FHIT: variants seen among roughly 807,000 people sequenced by gnomAD.
FHIT encodes the protein bis(5'-adenosyl)-triphosphatase.
FHIT carries 19 observed loss-of-function variants against 17.9 expected under a neutral mutation model. The ratio of observed to expected loss-of-function variants is 1.06; its 90% CI spans 0.74 to 1.56. The LOEUF (loss-of-function observed/expected upper bound fraction) is 1.56. FHIT is among the 40% of genes most tolerant of loss of function. The probability of loss-of-function intolerance (pLI) is 0.00; values close to 1 mark genes in which losing one functional copy is unlikely to be tolerated. For missense variants in FHIT, 248 were observed against 189.2 expected (o/e 1.31, Z -1.82); for synonymous variants, 81 against 69.7 (o/e 1.16, Z -0.81).
intron 5 of FHIT, among the ~76,000 whole-genome samples, chr3:60,097,136 C>T (rs1703985762): frequency 6.6e-6 from 1 of 151,864 alleles, no homozygotes; most frequent in Non-Finnish European, 1.5e-5. Flanking sequence ...AGTAAGGACA[C>T]CCATTGGCCA....
chr3:60,940,617 C>T (rs961046252), intron 3 of FHIT, among the ~76,000 whole-genome samples: 3 of 152,058 alleles, frequency 2.0e-5, no homozygotes, highest in African/African-American at 7.2e-5. Flanking sequence ...ACATCTTTAT[C>T]AATCACTTTT....
chr3:60,188,207 C>CTTT (rs1210975877), intron 5 of FHIT, among the ~76,000 whole-genome samples: 7,516 of 125,506 alleles, frequency 0.06, 317 homozygotes, highest in Non-Finnish European at 0.088. Context: ...CAGTTTCTTT[C>CTTT]TTTTTTTTTT....
intron 3 of FHIT, among the ~76,000 whole-genome samples, chr3:60,915,135 G>A (rs1337465904): frequency 6.6e-6 from 1 of 152,100 alleles, no homozygotes; most frequent in Non-Finnish European, 1.5e-5. Context: ...AACTTTTTTA[G>A]GAGTGTATTT....
chr3:61,103,228 T>A (rs969903764), intron 2 of FHIT, among the ~76,000 whole-genome samples: 6 of 152,242 alleles, frequency 3.9e-5, no homozygotes, highest in Admixed American at 3.3e-4. Flanking sequence ...GCTTTAAATG[T>A]GTCCCAGAGA....
intron 3 of FHIT, among the ~76,000 whole-genome samples, chr3:60,863,211 G>A (rs1335178323): frequency 6.6e-6 from 1 of 152,164 alleles, no homozygotes; most frequent in Non-Finnish European, 1.5e-5. Flanking sequence ...GCTAAGGGTG[G>A]AGCCCTGCCT....
chr3:59,946,106 T>A (rs376643417), intron 7 of FHIT, among the ~76,000 whole-genome samples: 3 of 152,344 alleles, frequency 2.0e-5, no homozygotes, highest in East Asian at 3.9e-4. Context: ...AATCTATAAA[T>A]TGCTTTGGGC....
At chr3:60,210,410 T>TTA (rs1211723500) in intron 5 of FHIT, among the ~76,000 whole-genome samples, 5 of 152,242 alleles carry the variant, frequency 3.3e-5, no homozygotes, top group African/African-American at 1.2e-4. Context: ...TTTCTAACAA[T>TTA]TATTTAAAAT....
chr3:59,957,443 G>A (rs1332125071), intron 7 of FHIT, among the ~76,000 whole-genome samples: 1 of 152,174 alleles, frequency 6.6e-6, no homozygotes, highest in African/African-American at 2.4e-5. Context: ...AATGTCTTTT[G>A]TTTACACCAC....
intron 3 of FHIT, among the ~76,000 whole-genome samples, chr3:60,869,205 C>T (rs1021350531): frequency 2.3e-4 from 35 of 152,236 alleles, no homozygotes; most frequent in African/African-American, 8.4e-4. Flanking sequence ...AAGATCAATT[C>T]TAATTTTTGA....
intron 2 of FHIT, among the ~76,000 whole-genome samples, chr3:61,193,744 C>T (rs1196279080): frequency 2.0e-5 from 3 of 152,178 alleles, no homozygotes; most frequent in Non-Finnish European, 4.4e-5. Context: ...TGAGCAACCA[C>T]AGGATTCCAC....
At chr3:60,567,505 A>G (rs1239558871) in intron 4 of FHIT, among the ~76,000 whole-genome samples, 1 of 152,214 alleles carries the variant, frequency 6.6e-6, no homozygotes, top group Admixed American at 6.5e-5. Flanking sequence ...TAAAAACCCT[A>G]GAAGAAAACC....
chr3:60,798,371 A>T (rs1014039468), intron 4 of FHIT, among the ~76,000 whole-genome samples: 3 of 152,226 alleles, frequency 2.0e-5, no homozygotes, highest in Non-Finnish European at 4.4e-5. Flanking sequence ...CATCAGCCCA[A>T]TAACAGAACA....
At chr3:60,741,910 G>A (rs1174758076) in intron 4 of FHIT, among the ~76,000 whole-genome samples, 3 of 152,140 alleles carry the variant, frequency 2.0e-5, no homozygotes, top group Non-Finnish European at 4.4e-5. Flanking sequence ...AGTGACCTGG[G>A]GGACTTTTGA....
intron 5 of FHIT, among the ~76,000 whole-genome samples, chr3:60,368,194 T>TA (rs111332497): frequency 0.2 from 24,040 of 122,234 alleles, 2,686 homozygotes; most frequent in East Asian, 0.51. Context: ...ACATATCTTT[T>TA]TAAAAAAAAA....
At chr3:59,875,099 C>T (rs1459133522) in intron 8 of FHIT, among the ~76,000 whole-genome samples, 1 of 152,204 alleles carries the variant, frequency 6.6e-6, no homozygotes, top group African/African-American at 2.4e-5. Flanking sequence ...TTTATTCTTT[C>T]TGCTTTGTTT....
intron 7 of FHIT, among the ~76,000 whole-genome samples, chr3:60,008,981 C>A (rs184150713): frequency 6.4e-4 from 97 of 152,260 alleles, no homozygotes; most frequent in Non-Finnish European, 1.1e-3. Flanking sequence ...TCACAGTATT[C>A]TAAATAAGTA....
chr3:60,035,681 C>A (rs1370719894), intron 5 of FHIT, among the ~76,000 whole-genome samples: 2 of 152,148 alleles, frequency 1.3e-5, no homozygotes, highest in African/African-American at 4.8e-5. Flanking sequence ...CACCATTAGC[C>A]CAAAGTCCAG....
At chr3:60,736,787 C>G (rs9311775) in intron 4 of FHIT, among the ~76,000 whole-genome samples, 3,943 of 152,118 alleles carry the variant, frequency 0.026, 196 homozygotes, top group African/African-American at 0.089. Flanking sequence ...AAACATTGTG[C>G]TATGTGAATT....
intron 5 of FHIT, among the ~76,000 whole-genome samples, chr3:60,027,711 A>T (rs1468460002): frequency 1.5e-5 from 2 of 129,790 alleles, no homozygotes; most frequent in Non-Finnish European, 3.2e-5. Context: ...TTCTGGTTCC[A>T]TTTAGTTTAT....
Sources: gnomAD v4.1 joint callset for allele counts (sites outside exome capture counted in the v4.1 genomes callset) on GRCh38, gnomAD v4.1.1 for gene constraint, MANE v1.5 for transcripts, NCBI Gene and HGNC (gene_info 2026-07-23, HGNC 2026-07-21) for gene names.